The following ABCA13 variants were observed in gnomAD, a reference collection of about 807,000 sequenced individuals.
The protein encoded by ABCA13 is ATP-binding cassette sub-family A member 13.
Under a neutral mutation model 478.7 loss-of-function variants are expected in ABCA13, and 476 were observed. The ratio of observed to expected loss-of-function variants is 0.99; its 90% CI spans 0.92 to 1.07. The LOEUF (loss-of-function observed/expected upper bound fraction) is 1.07, where lower values mean the gene tolerates loss of function less well. Among genes scored for constraint, ABCA13 ranks in the 50% least tolerant of loss-of-function variants. ABCA13 has a pLI of 0.00. For missense variants in ABCA13, 6,060 were observed against 5,910.6 expected, an observed-to-expected ratio of 1.03 and a Z score of -0.83; for synonymous variants, 2,252 against 2,158.9, an observed-to-expected ratio of 1.04 and a Z score of -1.20.
intron 59 of ABCA13, among the ~76,000 whole-genome samples, chr7:48,639,269 AC>A (rs1180785279): frequency 2.0e-5 from 3 of 152,200 alleles, no homozygotes; most frequent in African/African-American, 7.2e-5. Flanking sequence ...TTGCTCAGCC[AC>A]CCTTCCTCAG....
At chr7:48,352,604 AC>A in intron 31 of ABCA13, 117 bp downstream of exon 31, 5 of 1,202,410 alleles carry the variant, frequency 4.2e-6, no homozygotes, top group African/African-American at 1.5e-5. Context: ...AAAAAAGTTC[AC>A]CCCCCACTTT....
rs759244216 is a variant in ABCA13 at position 48,275,735 on chromosome 7, CT to C, written c.6070del (p.Ser2024LeufsTer4). ...TAGAAAAAAGTACGCATAATCTACT[CT>C]CTTTATTCATGATGCTCCAGAATGC... ...SLEKSTHNLL[S>X]LFMMLQNANV... On this transcript the variant is annotated frameshift_variant, in exon 17 of 62. Transcript: ENST00000435803. LOFTEE classifies it high-confidence loss of function. The C allele has an allele frequency of 1.3e-4, 203 of 1,606,572 alleles. No individual in the cohort carries two copies. Among genetic ancestry groups the C allele is most frequent in the Non-Finnish European group, 5.9e-5 (69 of 1,175,892 alleles).
At chr7:48,589,057 A>C (rs1364258245) in intron 57 of ABCA13, among the ~76,000 whole-genome samples, 1 of 152,000 alleles carries the variant, frequency 6.6e-6, no homozygotes, top group African/African-American at 2.4e-5. Flanking sequence ...TTCTTTCTTT[A>C]TGGAAGTTTA....
chr7:48,288,614 G>A (rs1482585281), intron 20 of ABCA13, among the ~76,000 whole-genome samples: 3 of 150,104 alleles, frequency 2.0e-5, no homozygotes, highest in Non-Finnish European at 4.4e-5. Flanking sequence ...TTGCACCATG[G>A]AAATTGGCAA....
intron 3 of ABCA13, among the ~76,000 whole-genome samples, chr7:48,211,626 C>T (rs2128944167): frequency 6.6e-6 from 1 of 152,206 alleles, no homozygotes; most frequent in Non-Finnish European, 1.5e-5. Flanking sequence ...GCCACTACTT[C>T]CTGGCTGCTG....
intron 55 of ABCA13, among the ~76,000 whole-genome samples, chr7:48,554,516 A>G (rs1187152274): frequency 6.6e-6 from 1 of 151,200 alleles, no homozygotes; most frequent in Non-Finnish European, 1.5e-5. Flanking sequence ...ATGTTTTGCC[A>G]TTTTTATTGT....
rs772862622 is a variant in ABCA13, at chr7:48,268,971, T to C, written c.2006-9T>C. The C allele has an allele frequency of 1.4e-6, 2 of 1,464,488 alleles. No individual in the cohort carries two copies. The highest frequency in any genetic ancestry group is 2.4e-5 in the South Asian group (2 of 83,480). 90.7% of individuals were successfully genotyped at this position (1,464,488 alleles called of 1,614,324 possible). A position where few individuals can be genotyped will look rare whatever the true frequency, so the allele number is the denominator to read the frequency against. On this transcript the variant is annotated splice_polypyrimidine_tract_variant and intron_variant, in intron 15 of 61. Transcript: ENST00000435803. The stretch of plus-strand genomic sequence containing the variant: ...TTATAATTAATGTAGAAAATGTCTT[T>C]TTATTTAGCTTTTCCTGAGGAATCT...
chr7:48,609,920 G>T (rs1791857730), intron 58 of ABCA13, among the ~76,000 whole-genome samples: 1 of 152,160 alleles, frequency 6.6e-6, no homozygotes, highest in Non-Finnish European at 1.5e-5. Flanking sequence ...CAACATTGGG[G>T]ATTACAATTT....
chr7:48,429,989 T>C (rs562069933), intron 42 of ABCA13, among the ~76,000 whole-genome samples: 118 of 152,346 alleles, frequency 7.7e-4, no homozygotes, highest in Non-Finnish European at 1.4e-3. Flanking sequence ...GGTATTGGTC[T>C]GCAATTTTCT....
intron 3 of ABCA13, among the ~76,000 whole-genome samples, chr7:48,209,269 G>A (rs1785318409): frequency 6.6e-6 from 1 of 151,994 alleles, no homozygotes; most frequent in African/African-American, 2.4e-5. Flanking sequence ...TTGGTATTTT[G>A]TTGAGAATTT....
chr7:48,350,720 T>C lies in ABCA13; in HGVS notation c.10282T>C (p.Ser3428Pro), dbSNP rs1808838952. The C allele has an allele frequency of 1.2e-6, 2 of 1,613,894 alleles. No individual in the cohort carries two copies. Among genetic ancestry groups the C allele is most frequent in the Non-Finnish European group, 1.7e-6 (2 of 1,179,874 alleles). ...RFLGSILVNL[S>P]SCVALNRFQA... is the part of the protein sequence containing the mutation. ...CTTGGGCAGCATCTTGGTCAATCTC[T>C]CTTCCTGCGTGGCACTGAACCGTTT... is the stretch of plus-strand genomic sequence containing the variant. Residue 3428 changes from serine (S) to proline (P), a missense_variant, in exon 30 of 62, where the codon TCT becomes CCT. Transcript: ENST00000435803.
intron 44 of ABCA13, among the ~76,000 whole-genome samples, chr7:48,470,861 A>G (rs1244387669): frequency 6.6e-6 from 1 of 152,154 alleles, no homozygotes; most frequent in Non-Finnish European, 1.5e-5. Context: ...AATTCGGTAA[A>G]TGCTAGTTTT....
At chr7:48,566,113 G>T (rs1197559426) in intron 55 of ABCA13, among the ~76,000 whole-genome samples, 2 of 152,122 alleles carry the variant, frequency 1.3e-5, no homozygotes, top group Non-Finnish European at 2.9e-5. Context: ...TACTTTCACG[G>T]TTTACAGACT....
intron 41 of ABCA13, among the ~76,000 whole-genome samples, chr7:48,419,423 A>G (rs1820443032): frequency 1.3e-5 from 2 of 152,156 alleles, no homozygotes; most frequent in Non-Finnish European, 2.9e-5. Context: ...TCATATGTAA[A>G]ATTCCTACAG....
At chr7:48,341,812 G>GATATATATATATATCTTAT (rs1807211408) in intron 29 of ABCA13, among the ~76,000 whole-genome samples, 3 of 48,384 alleles carry the variant, frequency 6.2e-5, no homozygotes, top group Non-Finnish European at 1.3e-4. Context: ...TTTCTTTTCT[G>GATATATATATATATCTTAT]ATATATATAT....
At chr7:48,597,260 C>CT (rs1337486660) in intron 58 of ABCA13, among the ~76,000 whole-genome samples, 1 of 152,190 alleles carries the variant, frequency 6.6e-6, no homozygotes, top group Non-Finnish European at 1.5e-5. Context: ...TATGGCAACA[C>CT]TTTTAAAGGC....
At chr7:48,377,691 G>A (rs1430080970) in intron 35 of ABCA13, among the ~76,000 whole-genome samples, 1 of 152,238 alleles carries the variant, frequency 6.6e-6, no homozygotes, top group East Asian at 1.9e-4. Context: ...AACTTAGACT[G>A]CATTGTCTTG....
At chr7:48,175,882 TAACAAC>T (rs376433232) in intron 1 of ABCA13, among the ~76,000 whole-genome samples, 29,655 of 151,544 alleles carry the variant, frequency 0.2, 3,107 homozygotes, top group Non-Finnish European at 0.23. Context: ...AAAGAATTAA[TAACAAC>T]AACAACAACA....
At chr7:48,403,975 G>A (rs1817947502) in intron 39 of ABCA13, 96 bp downstream of exon 39, 3 of 1,354,072 alleles carry the variant, frequency 2.2e-6, no homozygotes, top group Admixed American at 3.9e-5. Flanking sequence ...GTATCCCAGT[G>A]AGGCTACATT....
Sources: gnomAD v4.1 joint callset for allele counts (sites outside exome capture counted in the v4.1 genomes callset) on GRCh38, gnomAD v4.1.1 for gene constraint, MANE v1.5 for transcripts, NCBI Gene and HGNC (gene_info 2026-07-23, HGNC 2026-07-21) for gene names.